PCDH7: variants seen among roughly 807,000 people sequenced by gnomAD.
The protein encoded by PCDH7 is protocadherin 7, also known as protocadherin-7.
PCDH7 carries 17 observed loss-of-function variants against 58.9 expected under a neutral mutation model. The observed-to-expected ratio is 0.29, with a 90% confidence interval of 0.20 to 0.43. The LOEUF is 0.43. PCDH7 is among the 20% of genes least tolerant of loss of function. The probability of loss-of-function intolerance (pLI) is 1.00; values close to 1 mark genes in which losing one functional copy is unlikely to be tolerated. For missense variants in PCDH7, 1,274 were observed against 1,441.0 expected (o/e 0.88, Z 1.88); for synonymous variants, 664 against 616.4 (o/e 1.08, Z -1.14).
chr4:30,990,444 A>G (rs1269708474), intron 3 of PCDH7, among the ~76,000 whole-genome samples: 1 of 152,142 alleles, frequency 6.6e-6, no homozygotes, highest in Non-Finnish European at 1.5e-5. Flanking sequence ...TGTAAATTCC[A>G]TGTGTGATAG....
exon 2 of PCDH7, chr4:30,731,107 T>G: frequency 9.4e-7 from 1 of 1,060,734 alleles, no homozygotes; most frequent in East Asian, 6.6e-5. Flanking sequence ...AAAAGCATAT[T>G]GCAACAATAA....
intron 1 of PCDH7, chr4:30,793,867 G>A (rs1724449459): frequency 6.6e-6 from 1 of 152,134 alleles, no homozygotes; most frequent in African/African-American, 2.4e-5. Flanking sequence ...GGTAATCATG[G>A]TTTTGAATAA....
chr4:31,065,367 A>G (rs1248883673), intron 3 of PCDH7, among the ~76,000 whole-genome samples: 1 of 151,952 alleles, frequency 6.6e-6, no homozygotes, highest in Non-Finnish European at 1.5e-5. Flanking sequence ...CAGAAAAGAG[A>G]TTTTAAATTA....
At chr4:30,833,626 G>A (rs1389269363) in intron 1 of PCDH7, among the ~76,000 whole-genome samples, 2 of 152,166 alleles carry the variant, frequency 1.3e-5, no homozygotes, top group Non-Finnish European at 1.5e-5. Flanking sequence ...AAGGATGTGG[G>A]CATCTTTGGG....
intron 1 of PCDH7, among the ~76,000 whole-genome samples, chr4:30,816,065 GATTA>G (rs1324366168): frequency 3.3e-5 from 5 of 152,054 alleles, no homozygotes; most frequent in Admixed American, 6.6e-5. Context: ...TGAGACTGCT[GATTA>G]ATTATTAATT....
At chr4:30,782,135 GAT>G (rs1399077588) in intron 1 of PCDH7, among the ~76,000 whole-genome samples, 1 of 152,040 alleles carries the variant, frequency 6.6e-6, no homozygotes, top group South Asian at 2.1e-4. Context: ...GATAGAGTAT[GAT>G]ATATATGGAA....
intron 3 of PCDH7, among the ~76,000 whole-genome samples, chr4:31,001,291 G>T (rs923529586): frequency 1.3e-5 from 2 of 151,972 alleles, no homozygotes; most frequent in Non-Finnish European, 2.9e-5. Context: ...GTAGGTATGA[G>T]TGCTGAAAGT....
chr4:31,010,203 A>T (rs1753067694), intron 3 of PCDH7, among the ~76,000 whole-genome samples: 1 of 151,966 alleles, frequency 6.6e-6, no homozygotes, highest in Admixed American at 6.6e-5. Flanking sequence ...TGAGCACCAT[A>T]TAAGCATTTT....
intron 3 of PCDH7, among the ~76,000 whole-genome samples, chr4:30,999,487 C>T (rs1489344179): frequency 6.6e-6 from 1 of 151,978 alleles, no homozygotes; most frequent in Admixed American, 6.6e-5. Flanking sequence ...GAAATAAAGA[C>T]CAAATTGTCG....
intron 3 of PCDH7, among the ~76,000 whole-genome samples, chr4:31,065,924 G>T (rs1241389502): frequency 6.6e-6 from 1 of 151,784 alleles, no homozygotes; most frequent in Non-Finnish European, 1.5e-5. Flanking sequence ...GAGTTATTTT[G>T]GTAATGGAGG....
intron 3 of PCDH7, among the ~76,000 whole-genome samples, chr4:31,075,088 A>G (rs552255558): frequency 1.3e-5 from 2 of 152,266 alleles, no homozygotes; most frequent in Admixed American, 6.5e-5. Context: ...ACAGAGACAA[A>G]TGTAGATAAA....
intron 1 of PCDH7, among the ~76,000 whole-genome samples, chr4:30,880,021 A>G (rs1265820766): frequency 6.6e-6 from 1 of 152,046 alleles, no homozygotes; most frequent in East Asian, 1.9e-4. Flanking sequence ...TCATAACCCA[A>G]TGTTTGGAAC....
chr4:30,864,805 TA>T lies in PCDH7; in HGVS notation c.71-55347del, dbSNP rs959644519. On this transcript the variant is annotated intron_variant, in intron 1 of 3. Coordinates refer to the PCDH7 transcript ENST00000509759. The stretch of plus-strand genomic sequence containing the variant: ...GTGCAAAAGTTCTCACAGGCTGGAT[TA>T]GGGGTGGAGTTTTACAAAGCACAGT... 1.2e-4 allele frequency among the ~76,000 whole-genome samples: 19 copies of T among 152,098 alleles called. 1 individual carries two copies. The highest frequency in any genetic ancestry group is 3.4e-4 in the African/African-American group (14 of 41,524).
At chr4:30,996,334 G>T (rs1751897405) in intron 3 of PCDH7, among the ~76,000 whole-genome samples, 1 of 152,146 alleles carries the variant, frequency 6.6e-6, no homozygotes, top group African/African-American at 2.4e-5. Flanking sequence ...GGAATTGTTT[G>T]CAATGTTCCT....
intron 3 of PCDH7, among the ~76,000 whole-genome samples, chr4:30,952,034 C>T (rs1450525304): frequency 1.3e-5 from 2 of 152,174 alleles, no homozygotes; most frequent in Non-Finnish European, 2.9e-5. Context: ...ACCCATACTT[C>T]TCTCTATTCT....
chr4:30,808,729 G>T (rs577286035), intron 1 of PCDH7, among the ~76,000 whole-genome samples: 43 of 152,240 alleles, frequency 2.8e-4, no homozygotes, highest in African/African-American at 9.1e-4. Flanking sequence ...CAAATGTGTC[G>T]TGTGAAAAGT....
chr4:30,853,264 C>T (rs1038036510), intron 1 of PCDH7, among the ~76,000 whole-genome samples: 9 of 152,118 alleles, frequency 5.9e-5, no homozygotes, highest in African/African-American at 1.9e-4. Flanking sequence ...AATTTATTCT[C>T]TAAAATGTGC....
At chr4:30,926,271 G>A (rs984918882) in intron 2 of PCDH7, among the ~76,000 whole-genome samples, 10 of 149,952 alleles carry the variant, frequency 6.7e-5, no homozygotes, top group Admixed American at 2.0e-4. Context: ...CGCAAGTTCC[G>A]CCTCCTGCGT....
At chr4:30,837,284 C>T (rs1730603003) in intron 1 of PCDH7, among the ~76,000 whole-genome samples, 2 of 152,056 alleles carry the variant, frequency 1.3e-5, no homozygotes. Context: ...TTTTAACGTT[C>T]TATCCAGGGC....
Sources: gnomAD v4.1 joint callset for allele counts (sites outside exome capture counted in the v4.1 genomes callset) on GRCh38, gnomAD v4.1.1 for gene constraint, MANE v1.5 for transcripts, NCBI Gene and HGNC (gene_info 2026-07-23, HGNC 2026-07-21) for gene names.